Variants in FRMD4A observed in about 807,000 individuals in gnomAD.
The protein encoded by FRMD4A is FERM domain-containing protein 4A.
A neutral mutation model predicts 129.1 loss-of-function variants in FRMD4A; 29 were observed. The ratio of observed to expected loss-of-function variants is 0.22; its 90% CI spans 0.17 to 0.31. The LOEUF is 0.31. Among genes scored for constraint, FRMD4A ranks in the 10% least tolerant of loss-of-function variants. FRMD4A has a pLI of 1.00. For synonymous variants in FRMD4A, 634 were observed against 571.6 expected (o/e 1.11, Z -1.56); for missense variants, 1,272 against 1,375.8 (o/e 0.92, Z 1.19).
intron 5 of FRMD4A, among the ~76,000 whole-genome samples, chr10:13,787,788 T>G (rs1231052340): frequency 6.6e-6 from 1 of 151,256 alleles, no homozygotes; most frequent in Non-Finnish European, 1.5e-5. Flanking sequence ...CTGGGCATAG[T>G]TTTTGGCCGG....
intron 1 of FRMD4A, 124 bp from the exon 2 acceptor site, chr10:14,330,307 GAAAA>G: frequency 1.9e-5 from 8 of 425,840 alleles, no homozygotes; most frequent in East Asian, 3.6e-5. Context: ...GCTTAGGGAG[GAAAA>G]AAAAAAAAAG....
intron 3 of FRMD4A, 122 bp from the exon 4 acceptor site, chr10:13,811,030 A>T (rs539430885): frequency 2.5e-4 from 145 of 578,898 alleles, no homozygotes; most frequent in Non-Finnish European, 4.1e-4. Flanking sequence ...ATTTTGAAGC[A>T]AATGATTTTT....
intron 8 of FRMD4A, among the ~76,000 whole-genome samples, chr10:13,749,749 G>C (rs547316474): frequency 1.2e-4 from 18 of 152,168 alleles, no homozygotes; most frequent in African/African-American, 3.4e-4. Context: ...AGCATCTGGG[G>C]AGGCCGAAGT....
At chr10:13,688,271 A>G (rs1266892045) in intron 15 of FRMD4A, among the ~76,000 whole-genome samples, 1 of 152,184 alleles carries the variant, frequency 6.6e-6, no homozygotes. Flanking sequence ...GGAAACCATC[A>G]TTCTCGGCAA....
intron 2 of FRMD4A, among the ~76,000 whole-genome samples, chr10:13,999,690 C>G (rs1276230316): frequency 6.6e-6 from 1 of 152,208 alleles, no homozygotes; most frequent in Non-Finnish European, 1.5e-5. Context: ...CTCAAAATAT[C>G]CCCACAAGGG....
intron 12 of FRMD4A, among the ~76,000 whole-genome samples, chr10:13,731,691 A>G (rs2090333490): frequency 1.3e-5 from 2 of 151,332 alleles, no homozygotes. Context: ...ATCCTCAGAT[A>G]GTGTTTAGGG....
At chr10:13,750,109 G>GAAAGAAAGAAAGAAATAAAGA (rs59377985) in intron 8 of FRMD4A, among the ~76,000 whole-genome samples, 13 of 73,610 alleles carry the variant, frequency 1.8e-4, no homozygotes, top group African/African-American at 7.0e-4. Flanking sequence ...AGAAAGAAAT[G>GAAAGAAAGAAAGAAATAAAGA]AAGAAAGAAA....
chr10:14,159,249 A>ATTG (rs1270827472), intron 2 of FRMD4A, among the ~76,000 whole-genome samples: 1 of 152,220 alleles, frequency 6.6e-6, no homozygotes, highest in African/African-American at 2.4e-5. Context: ...TGTGCAATAC[A>ATTG]ATTATGATTT....
chr10:13,843,830 G>A (rs930800937), intron 3 of FRMD4A, among the ~76,000 whole-genome samples: 1 of 152,198 alleles, frequency 6.6e-6, no homozygotes, highest in Non-Finnish European at 1.5e-5. Context: ...ATTGTGCAAG[G>A]AGGTGGTGCC....
intron 2 of FRMD4A, among the ~76,000 whole-genome samples, chr10:13,921,902 C>A (rs2095077334): frequency 6.6e-6 from 1 of 152,206 alleles, no homozygotes; most frequent in African/African-American, 2.4e-5. Flanking sequence ...GTATTCCTCT[C>A]CCCTAAATTT....
chr10:13,716,305 GA>G (rs1216854269), intron 12 of FRMD4A, among the ~76,000 whole-genome samples: 1 of 152,028 alleles, frequency 6.6e-6, no homozygotes, highest in Non-Finnish European at 1.5e-5. Flanking sequence ...TTCACCCTGC[GA>G]AAAAAGTATC....
chr10:13,849,314 G>A (rs1194038224), intron 3 of FRMD4A, among the ~76,000 whole-genome samples: 2 of 152,178 alleles, frequency 1.3e-5, no homozygotes, highest in Non-Finnish European at 2.9e-5. Context: ...GGAGCAGATG[G>A]CAGACCTGGA....
rs576565656 is a variant in FRMD4A at position 13,669,282 on chromosome 10, G to A, written c.1374+1124C>T. On this transcript the variant is annotated intron_variant, in intron 17 of 24. Coordinates refer to ENST00000357447, the MANE Select transcript of FRMD4A (RefSeq NM_018027.5). ...TCACCATGCTGGCCAGGCTGGTCTC[G>A]AACTCCTGACCTCAAGTGATCTGCG... Among the ~76,000 whole-genome samples, 644 of 152,158 alleles carry A rather than the reference G, an allele frequency of 4.2e-3. 11 individuals carry two copies. The highest frequency in any genetic ancestry group is 0.015 in the Admixed American group (231 of 15,286).
At chr10:13,906,799 G>A (rs2094886712) in intron 2 of FRMD4A, among the ~76,000 whole-genome samples, 1 of 152,150 alleles carries the variant, frequency 6.6e-6, no homozygotes, top group South Asian at 2.1e-4. Context: ...GCTCCTTGCC[G>A]AGATGTTCGC....
At chr10:14,252,457 G>A (rs1262273424) in intron 2 of FRMD4A, among the ~76,000 whole-genome samples, 3 of 152,120 alleles carry the variant, frequency 2.0e-5, no homozygotes, top group Admixed American at 6.6e-5. Context: ...CTCTTTTTGG[G>A]GTACTTTATG....
At chr10:14,276,807 T>A (rs146298624) in intron 2 of FRMD4A, among the ~76,000 whole-genome samples, 25 of 152,294 alleles carry the variant, frequency 1.6e-4, no homozygotes, top group African/African-American at 5.8e-4. Context: ...CTACTCACAT[T>A]TGTGGCAATG....
At chr10:14,211,234 T>C (rs545767546) in intron 2 of FRMD4A, among the ~76,000 whole-genome samples, 159 of 152,336 alleles carry the variant, frequency 1.0e-3, no homozygotes, top group Non-Finnish European at 2.0e-3. Flanking sequence ...ATTCTAAGCA[T>C]GTCAATCACT....
intron 2 of FRMD4A, among the ~76,000 whole-genome samples, chr10:14,022,576 G>A (rs371077582): frequency 6.6e-6 from 1 of 152,184 alleles, no homozygotes; most frequent in African/African-American, 2.4e-5. Flanking sequence ...TGTTGCTACA[G>A]AGGGCAGGCA....
intron 2 of FRMD4A, among the ~76,000 whole-genome samples, chr10:13,976,826 A>C (rs1272523081): frequency 6.6e-6 from 1 of 152,232 alleles, no homozygotes; most frequent in Non-Finnish European, 1.5e-5. Context: ...AACGTCAGCC[A>C]TAAGATTGGC....
Sources: allele counts gnomAD v4.1 joint callset (sites outside exome capture counted in the v4.1 genomes callset), GRCh38; gene constraint gnomAD v4.1.1; transcripts MANE v1.5; gene names NCBI Gene and HGNC (gene_info 2026-07-23, HGNC 2026-07-21).